Variants in CDH4 observed in about 807,000 individuals in gnomAD.
CDH4 encodes cadherin 4.
Under a neutral mutation model 86.0 loss-of-function variants are expected in CDH4, and 33 were observed. That is an observed-to-expected ratio of 0.38 (90% CI 0.29 to 0.51). CDH4 has a LOEUF of 0.51. Ranked by LOEUF, CDH4 falls within the 20% of genes least tolerant of loss-of-function variation. The probability of loss-of-function intolerance (pLI) is 0.86; values close to 1 mark genes in which losing one functional copy is unlikely to be tolerated. For missense variants in CDH4, 1,114 were observed against 1,307.4 expected (o/e 0.85, Z 2.28); for synonymous variants, 555 against 549.4 (o/e 1.01, Z -0.14).
chr20:61,798,767 C>A (rs1979681127), intron 4 of CDH4, among the ~76,000 whole-genome samples: 1 of 152,246 alleles, frequency 6.6e-6, no homozygotes, highest in Non-Finnish European at 1.5e-5. Flanking sequence ...TCCTCCGCAG[C>A]AGCCCCAGGT....
intron 2 of CDH4, among the ~76,000 whole-genome samples, chr20:61,338,384 T>C (rs778577448): frequency 2.0e-5 from 3 of 152,098 alleles, no homozygotes; most frequent in Non-Finnish European, 2.9e-5. Flanking sequence ...TTGGCAACAA[T>C]TGAGTAGTTG....
chr20:61,330,378 C>T (rs780397502), intron 2 of CDH4, among the ~76,000 whole-genome samples: 19 of 152,240 alleles, frequency 1.2e-4, no homozygotes, highest in East Asian at 7.7e-4. Flanking sequence ...CACCAGCATC[C>T]ACTGTTGTTT....
intron 2 of CDH4, among the ~76,000 whole-genome samples, chr20:61,606,493 A>C (rs756893475): frequency 1.3e-4 from 20 of 152,204 alleles, no homozygotes; most frequent in Non-Finnish European, 2.8e-4. Context: ...TCTCAGCTAA[A>C]ATAGGGCCCA....
At chr20:61,851,824 C>T (rs546669462) in intron 5 of CDH4, among the ~76,000 whole-genome samples, 65 of 152,302 alleles carry the variant, frequency 4.3e-4, no homozygotes, top group African/African-American at 1.5e-3. Flanking sequence ...CCACCACACC[C>T]ACTGATGGCT....
chr20:61,544,367 A>AGAAACCC lies in CDH4; in HGVS notation c.170-199193_170-199187dup, dbSNP rs2086061925. Among the ~76,000 whole-genome samples, 1 of 151,866 alleles carries AGAAACCC rather than the reference A, an allele frequency of 6.6e-6. No homozygotes were observed. Among genetic ancestry groups the AGAAACCC allele is most frequent in the Non-Finnish European group, 1.5e-5 (1 of 67,942 alleles). ...CCATGTATCACTCGTGTCCAGGCCG[A>AGAAACCC]GAAACCCGACGTAGAAATCCAGCTT... On this transcript the variant is annotated intron_variant, in intron 2 of 15. Coordinates refer to ENST00000614565, the MANE Select transcript of CDH4 (RefSeq NM_001794.5). This position sits in a 1 kb window ranked among gnomAD's most constrained non-coding sequence, Gnocchi z 6.5.
intron 2 of CDH4, among the ~76,000 whole-genome samples, chr20:61,559,720 T>C (rs2086202845): frequency 6.6e-6 from 1 of 151,934 alleles, no homozygotes; most frequent in Non-Finnish European, 1.5e-5. Context: ...GGTCTCACCA[T>C]GTTGACCAAG....
At chr20:61,296,306 C>T (rs907524178) in intron 2 of CDH4, among the ~76,000 whole-genome samples, 4 of 135,300 alleles carry the variant, frequency 3.0e-5, no homozygotes, top group Non-Finnish European at 6.3e-5. Flanking sequence ...TGCGTGGGTG[C>T]GTGTGTGTGC....
intron 2 of CDH4, among the ~76,000 whole-genome samples, chr20:61,443,404 T>C (rs982287379): frequency 5.9e-5 from 9 of 152,236 alleles, no homozygotes; most frequent in African/African-American, 1.2e-4. Context: ...AATGGCAGGT[T>C]GTCAGTACCG....
At chr20:61,607,092 G>A (rs752726632) in intron 2 of CDH4, among the ~76,000 whole-genome samples, 10 of 152,186 alleles carry the variant, frequency 6.6e-5, no homozygotes, top group African/African-American at 1.4e-4. Flanking sequence ...CACCATCACC[G>A]TTCTAACCTG....
At chr20:61,729,455 A>G (rs2088152704) in intron 2 of CDH4, among the ~76,000 whole-genome samples, 1 of 152,156 alleles carries the variant, frequency 6.6e-6, no homozygotes, top group South Asian at 2.1e-4. Flanking sequence ...TGAACAGAGA[A>G]CTGTTAATTA....
At chr20:61,674,034 G>A (rs1354641796) in intron 2 of CDH4, among the ~76,000 whole-genome samples, 2 of 152,204 alleles carry the variant, frequency 1.3e-5, no homozygotes, top group Non-Finnish European at 2.9e-5. Flanking sequence ...GAACAAACCT[G>A]TTTTTCACAT....
rs543664322 is a variant in CDH4 at position 61,269,966 on chromosome 20, G to A, written c.169+15029G>A. 1.3e-5 allele frequency among the ~76,000 whole-genome samples: 2 copies of A among 152,322 alleles called. No homozygotes were observed. Among genetic ancestry groups the A allele is most frequent in the African/African-American group, 2.4e-5 (1 of 41,570 alleles). On this transcript the variant is annotated intron_variant, in intron 2 of 15. Transcript: ENST00000614565. This position sits in a 1 kb window ranked among gnomAD's most constrained non-coding sequence, Gnocchi z 5.3. Reference sequence around the variant, plus strand: ...CCCCCAGATGTGGAGAGGGCCGGCCGACCTTTGCGGCAGTCATTTTTCCAT... The same window carrying A: ...CCCCCAGATGTGGAGAGGGCCGGCCAACCTTTGCGGCAGTCATTTTTCCAT...
At chr20:61,917,450 C>T (rs2054915995) in intron 9 of CDH4, among the ~76,000 whole-genome samples, 1 of 152,272 alleles carries the variant, frequency 6.6e-6, no homozygotes, top group Non-Finnish European at 1.5e-5. Context: ...TGCCACTTCC[C>T]CTTCGGGCAG....
intron 2 of CDH4, among the ~76,000 whole-genome samples, chr20:61,498,368 ACT>A (rs1226242650): frequency 1.3e-5 from 2 of 152,026 alleles, no homozygotes; most frequent in African/African-American, 4.8e-5. Context: ...GTACACTGAA[ACT>A]CTTCCTGCCA....
chr20:61,331,851 T>C (rs1412397181), intron 2 of CDH4, among the ~76,000 whole-genome samples: 1 of 152,138 alleles, frequency 6.6e-6, no homozygotes, highest in African/African-American at 2.4e-5. Flanking sequence ...CCGCAAGCCC[T>C]TGCCGCCGTC....
chr20:61,804,126 G>T (rs1033258693), intron 4 of CDH4, among the ~76,000 whole-genome samples: 8 of 152,278 alleles, frequency 5.3e-5, no homozygotes, highest in African/African-American at 1.9e-4. Context: ...CCCGGAGCAG[G>T]TGGTGGAAAC....
At chr20:61,857,935 GTCTGTGTGTCTCTGTGTCTGTGTGTGTC>G (rs1789775420) in intron 6 of CDH4, among the ~76,000 whole-genome samples, 5 of 151,222 alleles carry the variant, frequency 3.3e-5, no homozygotes, top group East Asian at 2.0e-4. Flanking sequence ...GTGTGTGTCT[GTCTGTGTGTCTCTGTGTCTGTGTGTGTC>G]TCTGTGTGTC....
rs574007323 is a variant in CDH4 at position 61,742,678 on chromosome 20, C to T, written c.170-885C>T. Among the ~76,000 whole-genome samples, 11 of 152,260 alleles carry T rather than the reference C, an allele frequency of 7.2e-5. No individual in the cohort carries two copies. The South Asian group carries it at 8.3e-4, about 11-fold the overall frequency. ...GCTGTGGGTGCGTCGTAATTTACCA[C>T]GGCTGTAGGTGACAGTTGCAAAAGC... On this transcript the variant is annotated intron_variant, in intron 2 of 15. Transcript: ENST00000614565.
At chr20:61,677,503 T>C (rs2145853065) in intron 2 of CDH4, among the ~76,000 whole-genome samples, 1 of 152,368 alleles carries the variant, frequency 6.6e-6, no homozygotes, top group South Asian at 2.1e-4. Flanking sequence ...AATACAACTG[T>C]CTTTTTTAAA....
Sources: gnomAD v4.1 joint callset for allele counts (sites outside exome capture counted in the v4.1 genomes callset) on GRCh38, gnomAD v4.1.1 for gene constraint, Gnocchi (gnomAD v3.1) non-coding constraint, MANE v1.5 for transcripts, NCBI Gene and HGNC (gene_info 2026-07-23, HGNC 2026-07-21) for gene names.